Variants in FARS2 observed in about 807,000 individuals in gnomAD.
FARS2 encodes the protein phenylalanyl-tRNA synthetase 2, mitochondrial, also known as phenylalanine--tRNA ligase, mitochondrial.
Under a neutral mutation model 46.4 loss-of-function variants are expected in FARS2, and 40 were observed. The observed-to-expected ratio is 0.86, with a 90% CI of 0.67 to 1.12. The LOEUF is 1.12. FARS2 is among the 50% of genes most tolerant of loss of function. The pLI is 0.00. For missense variants in FARS2, 513 were observed against 567.9 expected (o/e 0.90, Z 0.98); for synonymous variants, 234 against 214.9 (o/e 1.09, Z -0.78).
Position 5,296,129 on chromosome 6 carries a change from C to CTTTTTTTTTTTTTT in FARS2, c.-22+34486_-22+34499dup, listed in dbSNP as rs70974187. 7.3e-5 allele frequency among the ~76,000 whole-genome samples: 4 copies of CTTTTTTTTTTTTTT among 55,040 alleles called. 1 individual carries two copies. The highest frequency in any genetic ancestry group is 8.9e-5 in the African/African-American group (1 of 11,272). 36.1% of individuals were successfully genotyped at this position (55,040 alleles called of 152,430 possible). A position where few individuals can be genotyped will look rare whatever the true frequency, so the allele number is the denominator to read the frequency against. On this transcript the variant is annotated intron_variant, in intron 1 of 6. Coordinates refer to ENST00000274680, the MANE Select transcript of FARS2 (RefSeq NM_006567.5). ...CAAACATAAAAATTATCATTTTGGC[C>CTTTTTTTTTTTTTT]TTTTTTTTTTTTTTTTTTTTTTTTT...
At chr6:5,504,437 T>TAAAAAA (rs143444280) in intron 4 of FARS2, among the ~76,000 whole-genome samples, 3 of 126,472 alleles carry the variant, frequency 2.4e-5, no homozygotes, top group African/African-American at 8.9e-5. Context: ...TGCTTTCCAG[T>TAAAAAA]AAAAAAAAAA....
intron 3 of FARS2, among the ~76,000 whole-genome samples, chr6:5,423,663 T>C (rs1762687039): frequency 6.6e-6 from 1 of 152,056 alleles, no homozygotes; most frequent in South Asian, 2.1e-4. Flanking sequence ...CACTGGAGGA[T>C]TTTATTACCC....
chr6:5,509,575 G>A (rs934866448), intron 4 of FARS2, among the ~76,000 whole-genome samples: 1 of 152,192 alleles, frequency 6.6e-6, no homozygotes, highest in Non-Finnish European at 1.5e-5. Flanking sequence ...AGGGTAAGGC[G>A]AGAGGTCCCA....
At chr6:5,598,450 T>G (rs1378255969) in intron 5 of FARS2, among the ~76,000 whole-genome samples, 1 of 152,220 alleles carries the variant, frequency 6.6e-6, no homozygotes. Flanking sequence ...CATGTTTAGC[T>G]TTTTTGTCTT....
At chr6:5,423,743 T>C (rs1191933375) in intron 3 of FARS2, among the ~76,000 whole-genome samples, 3 of 152,182 alleles carry the variant, frequency 2.0e-5, no homozygotes, top group Non-Finnish European at 2.9e-5. Flanking sequence ...CACTTGGCAC[T>C]CTGCAGCGCT....
At position 5,404,692 on chromosome 6, in the gene FARS2, TTTGGAGATGGTAA is replaced by T. The variant is rs1482700894; in HGVS notation, c.764_772+4del. On this transcript the variant is annotated splice_donor_variant and splice_donor_region_variant and coding_sequence_variant and intron_variant, in exon 3 of 7. Coordinates refer to ENST00000274680, the MANE Select transcript of FARS2 (RefSeq NM_006567.5). LOFTEE classifies it high-confidence loss of function. ...GCTTACCAGGCTCATGGCACATCTT[TTTGGAGATGGTAA>T]GTGCTCAAACACAGGTTGACGATCT... is the stretch of plus-strand genomic sequence containing the variant. The T allele has an allele frequency of 6.3e-7, 1 of 1,592,884 alleles. No individual in the cohort carries two copies.
chr6:5,600,005 C>T (rs1774421372), intron 5 of FARS2, among the ~76,000 whole-genome samples: 1 of 152,118 alleles, frequency 6.6e-6, no homozygotes, highest in Admixed American at 6.6e-5. Context: ...CTCTTACTCC[C>T]CTGTCTAACT....
chr6:5,374,171 A>G lies in FARS2; in HGVS notation c.612+4989A>G, dbSNP rs562773470. 2.0e-5 allele frequency among the ~76,000 whole-genome samples: 3 copies of G among 152,232 alleles called. No homozygotes were observed. In the East Asian group the frequency reaches 5.8e-4, roughly 29 times the overall value. On this transcript the variant is annotated intron_variant, in intron 2 of 6. Coordinates refer to ENST00000274680, the MANE Select transcript of FARS2 (RefSeq NM_006567.5). ...GATGTAAGAGGATTAATAATTGTTA[A>G]TTATTGAAACTGGGTGTTGGATGCA...
intron 1 of FARS2, among the ~76,000 whole-genome samples, chr6:5,283,548 CAA>C (rs11397113): frequency 2.0e-4 from 25 of 124,952 alleles, no homozygotes; most frequent in Admixed American, 2.5e-4. Context: ...GACTTTGTTT[CAA>C]AAAAAAAAAA....
intron 6 of FARS2, among the ~76,000 whole-genome samples, chr6:5,730,519 GTTT>G (rs10609045): frequency 2.0e-5 from 3 of 147,950 alleles, no homozygotes; most frequent in Non-Finnish European, 4.5e-5. Context: ...TTACAAAGAG[GTTT>G]TTTTTTTTAC....
chr6:5,646,389 C>T (rs1398435231), intron 6 of FARS2, among the ~76,000 whole-genome samples: 1 of 152,168 alleles, frequency 6.6e-6, no homozygotes, highest in African/African-American at 2.4e-5. Flanking sequence ...CTTCTGTGAA[C>T]CTGCTTCCTA....
chr6:5,656,557 GT>G (rs1222826575), intron 6 of FARS2, among the ~76,000 whole-genome samples: 4 of 63,398 alleles, frequency 6.3e-5, no homozygotes, highest in South Asian at 7.0e-4. Flanking sequence ...CTTGTTCTTT[GT>G]TTTTTTTTTG....
At position 5,682,229 on chromosome 6, in the gene FARS2, A is replaced by T. The variant is rs564329438; in HGVS notation, c.1217+68909A>T. Among the ~76,000 whole-genome samples the T allele has an allele frequency of 3.3e-5, 5 of 152,370 alleles. No homozygotes were observed. In the East Asian group the frequency reaches 9.6e-4, roughly 29 times the overall value. ...AAGTATTACCAAAGAAAAACAGGAA[A>T]CAAATTAATATCTATATATAGTTAC... On this transcript the variant is annotated intron_variant, in intron 6 of 6. Transcript: ENST00000274680.
intron 1 of FARS2, among the ~76,000 whole-genome samples, chr6:5,354,531 T>C (rs79385418): frequency 6.6e-6 from 1 of 150,542 alleles, no homozygotes; most frequent in African/African-American, 2.5e-5. Context: ...TTTTTTTTTT[T>C]GAGATGGAGT....
intron 1 of FARS2, among the ~76,000 whole-genome samples, chr6:5,341,295 A>G (rs1317891803): frequency 8.3e-6 from 1 of 119,930 alleles, no homozygotes; most frequent in Non-Finnish European, 1.7e-5. Context: ...ACTGTGAGAA[A>G]CTTTTCCTGG....
intron 4 of FARS2, among the ~76,000 whole-genome samples, chr6:5,493,258 A>G (rs1421488782): frequency 6.6e-6 from 1 of 151,678 alleles, no homozygotes; most frequent in Non-Finnish European, 1.5e-5. Context: ...CACATATTGC[A>G]CTATGTTGCT....
At chr6:5,518,999 A>G (rs1768973338) in intron 4 of FARS2, among the ~76,000 whole-genome samples, 1 of 152,208 alleles carries the variant, frequency 6.6e-6, no homozygotes, top group African/African-American at 2.4e-5. Context: ...CATTTTGCAC[A>G]AAATAGGTGA....
chr6:5,456,985 A>G (rs1764924424), intron 4 of FARS2: 1 of 152,112 alleles, frequency 6.6e-6, no homozygotes, highest in African/African-American at 2.4e-5. Context: ...CTGCTGTTGG[A>G]TTTAGCTTCC....
In FARS2 at chr6:5,718,770, G is replaced by C. The variant is rs1759686831; in HGVS notation, c.1218-52521G>C. Among the ~76,000 whole-genome samples, 4 of 152,254 alleles carry C rather than the reference G, an allele frequency of 2.6e-5. No individual in the cohort carries two copies. The South Asian group carries it at 8.3e-4, about 32-fold the overall frequency. ...TGTGAAATCTGACTCTCAGCCCGAG[G>C]CTGTGTGGCTTCATATTTTGGATCT... On this transcript the variant is annotated intron_variant, in intron 6 of 6. Coordinates refer to ENST00000274680, the MANE Select transcript of FARS2 (RefSeq NM_006567.5).
Sources: allele counts gnomAD v4.1 joint callset (sites outside exome capture counted in the v4.1 genomes callset), GRCh38; gene constraint gnomAD v4.1.1; transcripts MANE v1.5; gene names NCBI Gene and HGNC (gene_info 2026-07-23, HGNC 2026-07-21).